The following CSMD1 variants were observed in gnomAD, a reference collection of about 807,000 sequenced individuals.
CSMD1 encodes CUB and sushi domain-containing protein 1.
CSMD1 carries 213 observed loss-of-function variants against 417.5 expected under a neutral mutation model. The ratio of observed to expected loss-of-function variants is 0.51; its 90% CI spans 0.46 to 0.57. The LOEUF (loss-of-function observed/expected upper bound fraction) is 0.57, where lower values mean the gene tolerates loss of function less well. Among genes scored for constraint, CSMD1 ranks in the 20% least tolerant of loss-of-function variants. The probability of loss-of-function intolerance (pLI) is 0.00; values close to 1 mark genes in which losing one functional copy is unlikely to be tolerated. For missense variants in CSMD1, 6,923 were observed against 4,529.7 expected (o/e 1.53, Z -15.17); for synonymous variants, 2,862 against 1,736.8 (o/e 1.65, Z -16.11).
At chr8:4,801,861 G>C (rs891154061) in intron 1 of CSMD1, among the ~76,000 whole-genome samples, 1 of 152,166 alleles carries the variant, frequency 6.6e-6, no homozygotes, top group Non-Finnish European at 1.5e-5. Context: ...AGACTACTGA[G>C]ACTTGGCAAG....
intron 5 of CSMD1, among the ~76,000 whole-genome samples, chr8:3,888,193 T>TA (rs1160265279): frequency 1.3e-5 from 2 of 152,166 alleles, no homozygotes; most frequent in African/African-American, 4.8e-5. Context: ...ATACCTGACC[T>TA]AAAAACTTCA....
intron 67 of CSMD1, 71 bp from the exon 68 acceptor site, chr8:2,949,457 A>G (rs1199913255): frequency 1.4e-6 from 1 of 710,018 alleles, no homozygotes; most frequent in Admixed American, 2.8e-5. Flanking sequence ...CTCTTTTAAT[A>G]TATCTTTTAA....
intron 2 of CSMD1, among the ~76,000 whole-genome samples, chr8:4,464,860 G>C (rs1314155221): frequency 6.6e-6 from 1 of 152,088 alleles, no homozygotes; most frequent in Non-Finnish European, 1.5e-5. Flanking sequence ...ACCCTGCTGT[G>C]TTAGTTTTAT....
chr8:4,753,398 A>G (rs1411529907), intron 1 of CSMD1, among the ~76,000 whole-genome samples: 2 of 135,268 alleles, frequency 1.5e-5, no homozygotes. Flanking sequence ...ACTTTCCACC[A>G]TAAACCACAC....
At chr8:4,577,780 CATTGAGA>C in intron 2 of CSMD1, among the ~76,000 whole-genome samples, 1 of 152,194 alleles carries the variant, frequency 6.6e-6, no homozygotes, top group East Asian at 1.9e-4. Context: ...ACTGAAAGCT[CATTGAGA>C]ATAAAAAAGA....
intron 2 of CSMD1, among the ~76,000 whole-genome samples, chr8:4,558,109 G>A (rs1382845247): frequency 6.6e-6 from 1 of 151,894 alleles, no homozygotes; most frequent in South Asian, 2.1e-4. Context: ...AATGTAAATG[G>A]CCAAGGCACC....
At chr8:3,856,141 T>G (rs569743693) in intron 5 of CSMD1, among the ~76,000 whole-genome samples, 18 of 151,820 alleles carry the variant, frequency 1.2e-4, no homozygotes, top group Middle Eastern at 3.4e-3. Context: ...TGGTGGGAGG[T>G]GACTGGATTG....
At chr8:3,955,883 G>C (rs569132409) in intron 5 of CSMD1, among the ~76,000 whole-genome samples, 4 of 152,198 alleles carry the variant, frequency 2.6e-5, no homozygotes, top group African/African-American at 7.2e-5. Flanking sequence ...GCAATGGCAC[G>C]ATCTCGGCTC....
intron 3 of CSMD1, among the ~76,000 whole-genome samples, chr8:4,206,343 C>G (rs375052220): frequency 6.6e-6 from 1 of 152,024 alleles, no homozygotes; most frequent in East Asian, 1.9e-4. Flanking sequence ...ATCCCTTTCC[C>G]CTCCCCCCAA....
rs73661010 is a variant in CSMD1, at chr8:3,858,163, T to G, written c.819-104121A>C. Among the ~76,000 whole-genome samples the G allele has an allele frequency of 1.9e-3, 284 of 152,332 alleles. 1 individual carries two copies. The highest frequency in any genetic ancestry group is 6.0e-3 in the African/African-American group (250 of 41,572). On this transcript the variant is annotated intron_variant, in intron 5 of 69. Coordinates refer to ENST00000635120, the MANE Select transcript of CSMD1 (RefSeq NM_033225.6). ...CACTAGAGGTAGAAATGGAGGCTTTTTGTCAATTAAGTAATTTTTTGACTC... is the reference window on the plus strand; with the variant it reads ...CACTAGAGGTAGAAATGGAGGCTTTGTGTCAATTAAGTAATTTTTTGACTC...
intron 28 of CSMD1, among the ~76,000 whole-genome samples, chr8:3,221,905 T>TA (rs371288042): frequency 5.9e-5 from 9 of 151,628 alleles, no homozygotes; most frequent in East Asian, 1.9e-4. Flanking sequence ...CACCCTCCCA[T>TA]AAAAAAAACA....
chr8:4,333,312 A>C (rs1799982077), intron 3 of CSMD1, among the ~76,000 whole-genome samples: 2 of 152,106 alleles, frequency 1.3e-5, no homozygotes, highest in African/African-American at 4.8e-5. Context: ...GATGCTGTTG[A>C]ACATCTAGAT....
rs764231879 is a variant in CSMD1, at chr8:4,239,141, A to G, written c.415+180812T>C. Among the ~76,000 whole-genome samples, 6 of 152,338 alleles carry G rather than the reference A, an allele frequency of 3.9e-5. No individual in the cohort carries two copies. The East Asian group carries it at 5.8e-4, about 15-fold the overall frequency. Reference sequence around the variant, plus strand: ...GTGGGTTAAAACAATTTACTCCCCAATTAAAATCATTACGTTCTCCACCAG... The same window carrying G: ...GTGGGTTAAAACAATTTACTCCCCAGTTAAAATCATTACGTTCTCCACCAG... On this transcript the variant is annotated intron_variant, in intron 3 of 69. Coordinates refer to ENST00000635120, the MANE Select transcript of CSMD1 (RefSeq NM_033225.6).
intron 7 of CSMD1, among the ~76,000 whole-genome samples, chr8:3,653,377 C>T (rs909560407): frequency 1.1e-4 from 17 of 152,096 alleles, no homozygotes; most frequent in African/African-American, 1.7e-4. Flanking sequence ...GGCATGATCT[C>T]GGCTCATTGC....
intron 26 of CSMD1, among the ~76,000 whole-genome samples, chr8:3,260,469 G>A (rs1248291547): frequency 6.6e-6 from 1 of 152,040 alleles, no homozygotes; most frequent in Non-Finnish European, 1.5e-5. Flanking sequence ...CCAGAGGAAA[G>A]ACAGTGGCAT....
rs1231999334 is a variant in CSMD1, at chr8:3,893,339, T to TTATATATGTATATATATA, written c.818+104563_818+104564insTATATATATACATATATA. ...TCCCAAACTAATAATATTCACAATTTTATATATATATATATATATATATTA... is the reference window on the plus strand; with the variant it reads ...TCCCAAACTAATAATATTCACAATTTTATATATGTATATATATATATATATATATATATATATATATTA... On this transcript the variant is annotated intron_variant, in intron 5 of 69. Coordinates refer to ENST00000635120, the MANE Select transcript of CSMD1 (RefSeq NM_033225.6). 8.7e-5 allele frequency among the ~76,000 whole-genome samples: 7 copies of TTATATATGTATATATATA among 80,460 alleles called. 2 individuals carry two copies. In the East Asian group the frequency reaches 1.7e-3, roughly 19 times the overall value. 52.8% of individuals were successfully genotyped at this position (80,460 alleles called of 152,430 possible). A position where few individuals can be genotyped will look rare whatever the true frequency, so the allele number is the denominator to read the frequency against.
chr8:4,594,361 G>A (rs762636402), intron 2 of CSMD1, among the ~76,000 whole-genome samples: 9 of 151,740 alleles, frequency 5.9e-5, no homozygotes, highest in African/African-American at 9.7e-5. Flanking sequence ...CAGCATGCCT[G>A]GCTAATTTTT....
chr8:4,917,657 A>AAAT (rs1806161563), intron 1 of CSMD1, among the ~76,000 whole-genome samples: 1 of 152,030 alleles, frequency 6.6e-6, no homozygotes, highest in South Asian at 2.1e-4. Flanking sequence ...AAATGAAATA[A>AAAT]AATAAAAAAT....
chr8:3,714,031 GA>G (rs1801676728), intron 6 of CSMD1, among the ~76,000 whole-genome samples: 1 of 148,268 alleles, frequency 6.7e-6, no homozygotes, highest in East Asian at 2.0e-4. Flanking sequence ...TATGCAGATA[GA>G]TAGATAGATA....
Sources: gnomAD v4.1 joint callset for allele counts (sites outside exome capture counted in the v4.1 genomes callset) on GRCh38, gnomAD v4.1.1 for gene constraint, MANE v1.5 for transcripts, NCBI Gene and HGNC (gene_info 2026-07-23, HGNC 2026-07-21) for gene names.